The following TSPAN14 variants were observed in gnomAD, a reference collection of about 807,000 sequenced individuals.
The protein encoded by TSPAN14 is tetraspanin 14.
In TSPAN14, 16 loss-of-function variants were observed where a neutral mutation model predicts 36.6. The ratio of observed to expected loss-of-function variants is 0.44; its 90% CI spans 0.30 to 0.66. The LOEUF (loss-of-function observed/expected upper bound fraction) is 0.66. Among genes scored for constraint, TSPAN14 ranks in the 30% least tolerant of loss-of-function variants. The pLI is 0.12. For missense variants in TSPAN14, 231 were observed against 355.1 expected (o/e 0.65, Z 2.81); for synonymous variants, 139 against 143.8 (o/e 0.97, Z 0.24).
intron 2 of TSPAN14, among the ~76,000 whole-genome samples, chr10:80,491,195 C>T (rs1217207792): frequency 1.3e-5 from 2 of 152,194 alleles, no homozygotes; most frequent in African/African-American, 2.4e-5. Flanking sequence ...TAACTTTGCA[C>T]CAACATCTGC....
At chr10:80,475,019 G>A (rs1031598213) in intron 1 of TSPAN14, among the ~76,000 whole-genome samples, 2 of 152,182 alleles carry the variant, frequency 1.3e-5, no homozygotes, top group African/African-American at 4.8e-5. Context: ...AGGCAGAATC[G>A]GGGGATGCTA....
In TSPAN14 at chr10:80,509,508, C is replaced by G. The variant is rs1358090101; in HGVS notation, c.450+37C>G. On this transcript the variant is annotated intron_variant, in intron 5 of 8. Coordinates refer to ENST00000429989, the Ensembl canonical transcript of TSPAN14. The surrounding 1 kb of genome is among the most constrained non-coding windows in gnomAD (Gnocchi z 4.7). ...CCCAGCGGGCCCCCGATAGAGCATG[C>G]ACCTCCCTGTGCTGCCTGGAGCTGA... is the stretch of plus-strand genomic sequence containing the variant. 6.2e-7 allele frequency: 1 copy of G among 1,601,154 alleles called. No homozygotes were observed. Among genetic ancestry groups the G allele is most frequent in the Admixed American group, 1.7e-5 (1 of 59,494 alleles).
At chr10:80,505,257 CAGG>C (rs954376488) in intron 3 of TSPAN14, among the ~76,000 whole-genome samples, 1 of 152,170 alleles carries the variant, frequency 6.6e-6, no homozygotes, top group African/African-American at 2.4e-5. Flanking sequence ...TGCCCAGCCT[CAGG>C]AGGAGAGGGG....
At chr10:80,507,247 C>A in exon 4 of TSPAN14, 1 of 1,614,236 alleles carries the variant, frequency 6.2e-7, no homozygotes, top group Non-Finnish European at 8.5e-7. Context: ...TCCGACCTCA[C>A]CAAAGTGACC....
At chr10:80,462,617 A>G (rs759599078) in intron 1 of TSPAN14, among the ~76,000 whole-genome samples, 10 of 152,162 alleles carry the variant, frequency 6.6e-5, no homozygotes, top group Non-Finnish European at 1.5e-4. Flanking sequence ...CAGTTAAAGG[A>G]AGCTTTTAAA....
At chr10:80,495,946 G>A (rs1004710613) in intron 2 of TSPAN14, among the ~76,000 whole-genome samples, 5 of 151,964 alleles carry the variant, frequency 3.3e-5, no homozygotes, top group African/African-American at 1.2e-4. Context: ...CCCCTTCCCT[G>A]GGTGATGGTT....
chr10:80,462,706 G>A (rs1444236621), intron 1 of TSPAN14, among the ~76,000 whole-genome samples: 2 of 152,184 alleles, frequency 1.3e-5, no homozygotes, highest in African/African-American at 4.8e-5. Context: ...TCCATTTCCT[G>A]GAAGGTACAT....
intron 1 of TSPAN14, among the ~76,000 whole-genome samples, chr10:80,458,254 G>A (rs1845820715): frequency 6.6e-6 from 1 of 152,000 alleles, no homozygotes; most frequent in Admixed American, 6.6e-5. Context: ...ACTGAAGGTG[G>A]ACTCCCACTG....
At chr10:80,516,749 G>A (rs753619042) in intron 8 of TSPAN14, among the ~76,000 whole-genome samples, 2 of 152,176 alleles carry the variant, frequency 1.3e-5, no homozygotes, top group East Asian at 1.9e-4. Context: ...TGAGGCTCAC[G>A]TGTGTGCACT....
chr10:80,470,950 T>G (rs762077894), intron 1 of TSPAN14, among the ~76,000 whole-genome samples: 1 of 152,188 alleles, frequency 6.6e-6, no homozygotes, highest in Non-Finnish European at 1.5e-5. Flanking sequence ...AGTGTGTCCC[T>G]CCCTATCTTT....
intron 1 of TSPAN14, among the ~76,000 whole-genome samples, chr10:80,473,024 C>G (rs1413653167): frequency 6.6e-6 from 1 of 152,198 alleles, no homozygotes; most frequent in African/African-American, 2.4e-5. Flanking sequence ...GTGAAGCCTT[C>G]CTTTCCCCCA....
chr10:80,507,414 G>A, intron 4 of TSPAN14, 40 bp downstream of exon 4: 1 of 1,613,720 alleles, frequency 6.2e-7, no homozygotes, highest in Admixed American at 1.7e-5. Context: ...AGGATGCAAT[G>A]GGGTACAGGC....
At chr10:80,493,903 CT>C (rs1209364655) in intron 2 of TSPAN14, among the ~76,000 whole-genome samples, 1 of 152,198 alleles carries the variant, frequency 6.6e-6, no homozygotes, top group African/African-American at 2.4e-5. Flanking sequence ...AGCACTTGGA[CT>C]TTTCTAAGTT....
At chr10:80,467,114 T>C (rs1420610420) in intron 1 of TSPAN14, among the ~76,000 whole-genome samples, 1 of 152,198 alleles carries the variant, frequency 6.6e-6, no homozygotes, top group Admixed American at 6.5e-5. Context: ...TATCTTATTG[T>C]CACAAAGAGT....
chr10:80,466,713 T>G (rs1846268613), intron 1 of TSPAN14, among the ~76,000 whole-genome samples: 1 of 152,218 alleles, frequency 6.6e-6, no homozygotes, highest in Admixed American at 6.5e-5. Context: ...AGAGGTTTAT[T>G]CCAATCCAGT....
intron 1 of TSPAN14, among the ~76,000 whole-genome samples, chr10:80,473,242 C>CTGA (rs1293791357): frequency 1.3e-5 from 2 of 152,216 alleles, no homozygotes; most frequent in Non-Finnish European, 2.9e-5. Context: ...TGCTGCTTTC[C>CTGA]TGATGACAGC....
At chr10:80,503,998 G>A (rs765608375) in intron 2 of TSPAN14, among the ~76,000 whole-genome samples, 2 of 152,172 alleles carry the variant, frequency 1.3e-5, no homozygotes, top group Non-Finnish European at 1.5e-5. Context: ...CTGTTGTGGT[G>A]CACATGGGGT....
chr10:80,516,050 C>A, intron 7 of TSPAN14, 154 bp from the exon 8 acceptor site: 2 of 1,111,706 alleles, frequency 1.8e-6, no homozygotes, highest in Non-Finnish European at 1.3e-6. Flanking sequence ...CTGAGAGGAG[C>A]TGACGAGCAT....
chr10:80,507,319 T>A, exon 4 of TSPAN14: 1 of 1,614,220 alleles, frequency 6.2e-7, no homozygotes. Context: ...ATGTTCACCC[T>A]GGGGTTCGCC....
Sources: allele counts gnomAD v4.1 joint callset (sites outside exome capture counted in the v4.1 genomes callset), GRCh38; gene constraint gnomAD v4.1.1; non-coding constraint Gnocchi (gnomAD v3.1); transcripts MANE v1.5; gene names NCBI Gene and HGNC (gene_info 2026-07-23, HGNC 2026-07-21).